The following MORC3 variants were observed in gnomAD, a reference collection of about 807,000 sequenced individuals.
The protein encoded by MORC3 is MORC family CW-type zinc finger 3, also known as MORC family CW-type zinc finger protein 3.
A neutral mutation model predicts 109.1 loss-of-function variants in MORC3; 31 were observed. The ratio of observed to expected loss-of-function variants is 0.28; its 90% CI spans 0.21 to 0.38. MORC3 has a LOEUF of 0.38. Ranked by LOEUF, MORC3 falls within the 10% of genes least tolerant of loss-of-function variation. The pLI is 1.00. For synonymous variants in MORC3, 395 were observed against 380.7 expected, an observed-to-expected ratio of 1.04 and a Z score of -0.44; for missense variants, 867 against 1,135.8, an observed-to-expected ratio of 0.76 and a Z score of 3.40.
At position 36,369,760 on chromosome 21, in the gene MORC3, A is replaced by T. The variant is rs759678580; in HGVS notation, c.2392A>T (p.Ser798Cys). Residue 798 changes from serine (S) to cysteine (C), a missense_variant, in exon 15 of 17, where the codon AGC (serine) becomes TGC (cysteine). Around this residue, in one of 7 missense-constraint regions of MORC3, gnomAD observed 486 missense variants for 502.1 expected, o/e 0.97. Transcript: ENST00000400485. ...TTTGCAACATGTAAAGGCTGAATGC[A>T]GCCAGTGTTCCAATAATGAGAGTAA... is the stretch of plus-strand genomic sequence containing the variant. ...SALQHVKAEC[S>C]QCSNNESKSE... 1.2e-6 allele frequency: 2 copies of T among 1,614,254 alleles called. No individual in the cohort carries two copies. The highest frequency in any genetic ancestry group is 1.7e-6 in the Non-Finnish European group (2 of 1,180,054).
intron 12 of MORC3, 190 bp from the exon 13 acceptor site, chr21:36,361,993 G>A: frequency 1.5e-6 from 1 of 661,002 alleles, no homozygotes; most frequent in South Asian, 1.8e-5. Flanking sequence ...CGGTGAGGAT[G>A]GAAAAATTCA....
chr21:36,355,027 TTTA>T, intron 9 of MORC3, among the ~76,000 whole-genome samples: 1 of 152,198 alleles, frequency 6.6e-6, no homozygotes, highest in East Asian at 1.9e-4. Flanking sequence ...ATAGCAGGAA[TTTA>T]TTGTTTTGAG....
chr21:36,352,681 T>C (rs1048308992), intron 9 of MORC3, among the ~76,000 whole-genome samples: 1 of 152,166 alleles, frequency 6.6e-6, no homozygotes, highest in Non-Finnish European at 1.5e-5. Context: ...TAGTTGACAA[T>C]GTTAAGTACC....
In MORC3 at chr21:36,368,996, G is replaced by A; in HGVS notation, c.1628G>A (p.Arg543Gln). The A allele has an allele frequency of 1.2e-6, 2 of 1,602,540 alleles. No homozygotes were observed. Among genetic ancestry groups the A allele is most frequent in the Middle Eastern group, 1.7e-4 (1 of 5,994 alleles). The change falls in exon 15 of 17, where the codon CGG (arginine) becomes CAG (glutamine). Residue 543 changes from arginine (R) to glutamine (Q), a missense_variant. Transcript: ENST00000400485. ...TATAAAATTTTTTTCAGCTTGAAAC[G>A]GAGACTTTCTACTCGTTCCTCAATT... ...QSEPESNSLK[R>Q]RLSTRSSILN...
chr21:36,363,369 A>G (rs1022930663), intron 13 of MORC3, among the ~76,000 whole-genome samples: 1 of 152,184 alleles, frequency 6.6e-6, no homozygotes, highest in African/African-American at 2.4e-5. Flanking sequence ...AGCCAAGATC[A>G]CACCACTGCA....
chr21:36,346,963 GC>G (rs1426180393), intron 8 of MORC3, among the ~76,000 whole-genome samples: 1 of 148,352 alleles, frequency 6.7e-6, no homozygotes, highest in Non-Finnish European at 1.5e-5. Flanking sequence ...TATGATTTTT[GC>G]CCCTGTACTC....
chr21:36,344,832 G>C, intron 7 of MORC3, 80 bp from the exon 8 acceptor site: 1 of 1,600,582 alleles, frequency 6.2e-7, no homozygotes, highest in Non-Finnish European at 8.5e-7. Context: ...TGTGCTTTTG[G>C]ACTTACCAAA....
chr21:36,347,332 T>C (rs2085520376), intron 8 of MORC3, among the ~76,000 whole-genome samples: 1 of 152,228 alleles, frequency 6.6e-6, no homozygotes, highest in African/African-American at 2.4e-5. Context: ...AAATGAACTT[T>C]ATGTCTACCA....
intron 5 of MORC3, 56 bp downstream of exon 5, chr21:36,338,977 G>A (rs1393580293): frequency 1.1e-5 from 17 of 1,574,530 alleles, no homozygotes; most frequent in Non-Finnish European, 1.5e-5. Flanking sequence ...GTGCAGGGTG[G>A]TGGTGTTATA....
intron 16 of MORC3, 144 bp from the exon 17 acceptor site, chr21:36,374,999 G>A (rs1464937803): frequency 1.4e-6 from 1 of 739,038 alleles, no homozygotes; most frequent in African/African-American, 1.8e-5. Context: ...AGTAAATTGA[G>A]TTCTCTAGGG....
intron 7 of MORC3, 91 bp from the exon 8 acceptor site, chr21:36,344,821 G>T (rs2085490071): frequency 1.3e-6 from 2 of 1,596,208 alleles, no homozygotes; most frequent in Admixed American, 3.5e-5. Context: ...GCCCTCCTTT[G>T]TGTGCTTTTG....
At chr21:36,335,675 T>A (rs990216432) in intron 2 of MORC3, among the ~76,000 whole-genome samples, 3 of 152,166 alleles carry the variant, frequency 2.0e-5, no homozygotes, top group African/African-American at 7.2e-5. Flanking sequence ...ATGAGTATGC[T>A]AAACAAGGAT....
At chr21:36,367,855 A>G (rs1401183488) in intron 14 of MORC3, among the ~76,000 whole-genome samples, 1 of 152,238 alleles carries the variant, frequency 6.6e-6, no homozygotes, top group Non-Finnish European at 1.5e-5. Context: ...ATGCTTTTAA[A>G]TTTCTGAGAA....
intron 3 of MORC3, 51 bp downstream of exon 3, chr21:36,337,057 G>GT: frequency 6.3e-7 from 1 of 1,583,336 alleles, no homozygotes; most frequent in Non-Finnish European, 8.6e-7. Context: ...TACCTAAAGG[G>GT]TTTTCCATGC....
intron 1 of MORC3, among the ~76,000 whole-genome samples, chr21:36,329,304 A>G (rs938148762): frequency 6.7e-6 from 1 of 149,592 alleles, no homozygotes; most frequent in East Asian, 1.9e-4. Context: ...CAAAAACAAA[A>G]AAAAAAAAAG....
intron 1 of MORC3, among the ~76,000 whole-genome samples, chr21:36,327,892 T>C (rs1185467334): frequency 6.6e-6 from 1 of 151,760 alleles, no homozygotes; most frequent in Non-Finnish European, 1.5e-5. Flanking sequence ...TTTTTTTTTT[T>C]CTGAGACAGA....
intron 1 of MORC3, chr21:36,333,377 A>G (rs1264749099): frequency 7.0e-6 from 3 of 427,376 alleles, no homozygotes; most frequent in Non-Finnish European, 8.3e-6. Context: ...GTATGTCCCT[A>G]TTTGGGATTG....
At chr21:36,330,486 T>G (rs2085302628) in intron 1 of MORC3, among the ~76,000 whole-genome samples, 1 of 152,158 alleles carries the variant, frequency 6.6e-6, no homozygotes, top group East Asian at 1.9e-4. Context: ...AATGTACATC[T>G]TAAATGTATT....
At chr21:36,348,600 G>C (rs1418351270) in intron 8 of MORC3, among the ~76,000 whole-genome samples, 1 of 152,148 alleles carries the variant, frequency 6.6e-6, no homozygotes, top group African/African-American at 2.4e-5. Context: ...GTAGAGATGG[G>C]ATTTCACCAT....
Sources: allele counts gnomAD v4.1 joint callset (sites outside exome capture counted in the v4.1 genomes callset), GRCh38; gene constraint gnomAD v4.1.1; regional missense constraint gnomAD v4.1.1; transcripts MANE v1.5; gene names NCBI Gene and HGNC (gene_info 2026-07-23, HGNC 2026-07-21).